KIF13B: variants seen among roughly 807,000 people sequenced by gnomAD.
The protein encoded by KIF13B is kinesin-like protein KIF13B.
A neutral mutation model predicts 222.0 loss-of-function variants in KIF13B; 127 were observed. The observed-to-expected ratio is 0.57, with a 90% CI of 0.50 to 0.66. The LOEUF (loss-of-function observed/expected upper bound fraction) is 0.66, where lower values mean the gene tolerates loss of function less well. Ranked by LOEUF, KIF13B falls within the 30% of genes least tolerant of loss-of-function variation. The pLI, the probability that KIF13B is intolerant of heterozygous loss-of-function variation, is 0.00. For synonymous variants in KIF13B, 976 were observed against 919.0 expected, an observed-to-expected ratio of 1.06 and a Z score of -1.12; for missense variants, 2,173 against 2,379.0, an observed-to-expected ratio of 0.91 and a Z score of 1.80.
At chr8:29,141,366 GCT>G (rs1364197847) in intron 19 of KIF13B, among the ~76,000 whole-genome samples, 2 of 152,042 alleles carry the variant, frequency 1.3e-5, no homozygotes, top group East Asian at 3.9e-4. Flanking sequence ...TATGGGAGTG[GCT>G]CTTTCATTAT....
In KIF13B at chr8:29,148,564, C is replaced by T. The variant is rs745851778; in HGVS notation, c.1813+13G>A. The T allele has an allele frequency of 8.3e-6, 13 of 1,571,644 alleles. No homozygotes were observed. Among genetic ancestry groups the T allele is most frequent in the Admixed American group, 1.9e-5 (1 of 53,190 alleles). On this transcript the variant is annotated intron_variant, in intron 16 of 39. Transcript: ENST00000524189. The stretch of plus-strand genomic sequence containing the variant: ...CTGGAACTGATTCTCAAGTGCACGC[C>T]CGACTTGCTCACCATTGCTGCCCAG...
At chr8:29,227,141 T>A (rs1359644534) in intron 2 of KIF13B, among the ~76,000 whole-genome samples, 1 of 152,236 alleles carries the variant, frequency 6.6e-6, no homozygotes, top group Non-Finnish European at 1.5e-5. Flanking sequence ...AAGGATTCAA[T>A]AAGGTAGTTA....
intron 36 of KIF13B, among the ~76,000 whole-genome samples, chr8:29,096,293 CTTTT>C (rs61008499): frequency 3.9e-5 from 3 of 76,692 alleles, no homozygotes; most frequent in African/African-American, 8.4e-5. Flanking sequence ...CCAAGCTTTT[CTTTT>C]TTTTTTTTTT....
At chr8:29,075,243 T>A in intron 38 of KIF13B, 38 bp downstream of exon 38, 3 of 1,525,156 alleles carry the variant, frequency 2.0e-6, no homozygotes, top group Non-Finnish European at 2.7e-6. Flanking sequence ...ACCTGCTCGC[T>A]GTAGGTGGGG....
At chr8:29,107,086 A>C (rs1809106018) in intron 35 of KIF13B, among the ~76,000 whole-genome samples, 1 of 152,246 alleles carries the variant, frequency 6.6e-6, no homozygotes, top group South Asian at 2.1e-4. Context: ...TAAACAGGGA[A>C]GGCTCTATTA....
At position 29,165,759 on chromosome 8, in the gene KIF13B, G is replaced by T. The variant is rs750522143; in HGVS notation, c.1172C>A (p.Pro391Gln). 6.2e-7 allele frequency: 1 copy of T among 1,612,726 alleles called. No individual in the cohort carries two copies. The highest frequency in any genetic ancestry group is 8.5e-7 in the Non-Finnish European group (1 of 1,178,784). ...TTCTTCCAGCCGGTCCTTTAGCTCT[G>T]GAGATTTCATTGCCTACAAGCAAAA... ...QLTKAEAMKS[P>Q]ELKDRLEESE... is the part of the protein sequence containing the mutation. Residue 391 changes from proline (P) to glutamine (Q), a missense_variant, in exon 12 of 40, where the codon CCA becomes CAA. Coordinates refer to ENST00000524189, the MANE Select transcript of KIF13B (RefSeq NM_015254.4).
chr8:29,255,282 T>C (rs1474305961), intron 1 of KIF13B, among the ~76,000 whole-genome samples: 1 of 152,094 alleles, frequency 6.6e-6, no homozygotes, highest in Non-Finnish European at 1.5e-5. Context: ...GTGACTTATA[T>C]CTAAAAACCA....
rs565687016 is a variant in KIF13B at position 29,234,674 on chromosome 8, T to TAA, written c.149+10671_149+10672insTT. 2.7e-3 allele frequency among the ~76,000 whole-genome samples: 377 copies of TAA among 139,530 alleles called. 2 individuals carry two copies. The highest frequency in any genetic ancestry group is 4.6e-3 in the Non-Finnish European group (298 of 65,274). 91.5% of individuals were successfully genotyped at this position (139,530 alleles called of 152,430 possible). ...ATGATTAATTTTCTTGTGAGCATTTTACCACCAAAGGAAAAAAAAAAAAAA... is the reference window on the plus strand; with the variant it reads ...ATGATTAATTTTCTTGTGAGCATTTTAAACCACCAAAGGAAAAAAAAAAAAAA... On this transcript the variant is annotated intron_variant, in intron 2 of 39. Transcript: ENST00000524189.
At chr8:29,088,538 G>C (rs1424058746) in intron 37 of KIF13B, among the ~76,000 whole-genome samples, 2 of 152,118 alleles carry the variant, frequency 1.3e-5, no homozygotes, top group East Asian at 3.9e-4. Context: ...AGTAGAGATT[G>C]TTTTAGAAGT....
chr8:29,240,403 G>A (rs1360841798), intron 2 of KIF13B, among the ~76,000 whole-genome samples: 1 of 151,914 alleles, frequency 6.6e-6, no homozygotes, highest in African/African-American at 2.4e-5. Context: ...AGGGAAAGAA[G>A]AAGATCAAAT....
At chr8:29,256,876 T>C (rs1221462871) in intron 1 of KIF13B, among the ~76,000 whole-genome samples, 2 of 152,172 alleles carry the variant, frequency 1.3e-5, no homozygotes, top group African/African-American at 4.8e-5. Flanking sequence ...CACCTCAGCC[T>C]CCTGAGTAGC....
rs527567246 is a variant in KIF13B at position 29,072,284 on chromosome 8, C to T, written c.4554G>A (p.Val1518=). The change falls in exon 39 of 40, where the codon GTG becomes GTA. Residue 1518 remains valine, a synonymous_variant. Coordinates refer to ENST00000524189, the MANE Select transcript of KIF13B (RefSeq NM_015254.4). The stretch of plus-strand genomic sequence containing the variant: ...TCAAGGCCGGGGCCCCCATCGTCTG[C>T]ACCAGCACGTCAGGGCCCATCTCCG... The part of the protein sequence containing the change: ...AQPEMGPDVL[V]QTMGAPALKI... 3 of 1,464,514 alleles carry T rather than the reference C, an allele frequency of 2.0e-6. No individual in the cohort carries two copies. In the Admixed American group the frequency reaches 7.7e-5, roughly 38 times the overall value. The allele number at this position is 1,464,514 out of a possible 1,614,324, so 90.7% of individuals were successfully genotyped here. A position where few individuals can be genotyped will look rare whatever the true frequency, so the allele number is the denominator to read the frequency against.
chr8:29,243,049 T>C (rs1389685704), intron 2 of KIF13B, among the ~76,000 whole-genome samples: 1 of 152,176 alleles, frequency 6.6e-6, no homozygotes, highest in Non-Finnish European at 1.5e-5. Context: ...CATTTTGGCT[T>C]AAAAATGTAG....
intron 18 of KIF13B, 126 bp from the exon 19 acceptor site, chr8:29,142,429 G>C (rs1810858438): frequency 1.3e-6 from 1 of 789,056 alleles, no homozygotes. Flanking sequence ...CCTTTAATCT[G>C]TTGATTACAA....
At chr8:29,218,744 A>C (rs1586941660) in intron 2 of KIF13B, among the ~76,000 whole-genome samples, 2 of 152,392 alleles carry the variant, frequency 1.3e-5, no homozygotes, top group East Asian at 3.9e-4. Flanking sequence ...AAAACGTGGT[A>C]TACTCTGATG....
chr8:29,221,822 C>T (rs1814764791), intron 2 of KIF13B, among the ~76,000 whole-genome samples: 2 of 152,206 alleles, frequency 1.3e-5, no homozygotes, highest in South Asian at 4.1e-4. Context: ...TTCAACATAT[C>T]CATTGGTATC....
Position 29,072,239 on chromosome 8 carries a change from GGCAGGTTTGTC to G in KIF13B, c.4588_4598del (p.Asp1530GlnfsTer30). ...TGACAGGCGGTGGGGAAGGCACTTT[GGCAGGTTTGTC>G]GCAGATCTTCAAGGCCGGGGCCCCC... is the stretch of plus-strand genomic sequence containing the variant. On this transcript the variant is annotated frameshift_variant, in exon 39 of 40. Coordinates refer to ENST00000524189, the MANE Select transcript of KIF13B (RefSeq NM_015254.4). LOFTEE classifies it high-confidence loss of function. 1 of 1,471,672 alleles carries G rather than the reference GGCAGGTTTGTC, an allele frequency of 6.8e-7. No individual in the cohort carries two copies. The highest frequency in any genetic ancestry group is 9.0e-7 in the Non-Finnish European group (1 of 1,112,504). The allele number at this position is 1,471,672 out of a possible 1,614,324, so 91.2% of individuals were successfully genotyped here. A position where few individuals can be genotyped will look rare whatever the true frequency, so the allele number is the denominator to read the frequency against.
intron 37 of KIF13B, among the ~76,000 whole-genome samples, chr8:29,082,411 T>C (rs1244250537): frequency 6.6e-6 from 1 of 152,198 alleles, no homozygotes; most frequent in Non-Finnish European, 1.5e-5. Flanking sequence ...TTTTAGTATC[T>C]AGCCAGTTTA....
At chr8:29,191,386 T>C (rs973143114) in intron 3 of KIF13B, among the ~76,000 whole-genome samples, 6 of 152,232 alleles carry the variant, frequency 3.9e-5, no homozygotes, top group Non-Finnish European at 5.9e-5. Flanking sequence ...ATTTTTTCAA[T>C]ATTTTTATTT....
Sources: allele counts gnomAD v4.1 joint callset (sites outside exome capture counted in the v4.1 genomes callset), GRCh38; gene constraint gnomAD v4.1.1; transcripts MANE v1.5; gene names NCBI Gene and HGNC (gene_info 2026-07-23, HGNC 2026-07-21).